The following DCAF8L2 variants were observed in gnomAD, a reference collection of about 807,000 sequenced individuals.
DCAF8L2 encodes DDB1- and CUL4-associated factor 8-like protein 2.
For missense variants in DCAF8L2, 430 were observed against 490.7 expected (o/e 0.88, Z 1.17); for synonymous variants, 200 against 190.9 (o/e 1.05, Z -0.39).
chrX:27,563,987 C>CT, the DCAF8L2 span, among the ~76,000 whole-genome samples: 1 of 112,180 alleles, frequency 8.9e-6, no homozygotes, highest in Non-Finnish European at 1.9e-5. Context: ...ACTGGCTGTA[C>CT]TTTCAATGCT....
the DCAF8L2 span, among the ~76,000 whole-genome samples, chrX:27,557,402 T>G: frequency 8.9e-6 from 1 of 112,202 alleles, no homozygotes; most frequent in East Asian, 2.8e-4. Flanking sequence ...GTCATTTTCA[T>G]ATTCTAGGAG....
chrX:27,539,047 C>T, the DCAF8L2 span, among the ~76,000 whole-genome samples: 5 of 111,280 alleles, frequency 4.5e-5, no homozygotes, highest in African/African-American at 1.6e-4. Flanking sequence ...TAAAGTCTTG[C>T]TTTGTTGCCC....
chrX:27,686,428 C>T (rs893931739), intron 3 of DCAF8L2, among the ~76,000 whole-genome samples: 24 of 110,510 alleles, frequency 2.2e-4, no homozygotes, highest in African/African-American at 7.3e-4. Flanking sequence ...CTTTCATTTG[C>T]AGCAACATGG....
At chrX:27,609,817 C>T (rs1485548688) in intron 1 of DCAF8L2, among the ~76,000 whole-genome samples, 1 of 111,824 alleles carries the variant, frequency 8.9e-6, no homozygotes. Flanking sequence ...AATTCTGGCA[C>T]CCCACAGCTA....
intron 1 of DCAF8L2, among the ~76,000 whole-genome samples, chrX:27,631,192 A>G (rs1928274763): frequency 1.8e-5 from 2 of 112,014 alleles, no homozygotes; most frequent in African/African-American, 3.2e-5. Context: ...AAATAATTTA[A>G]CATTATTTCA....
intron 1 of DCAF8L2, among the ~76,000 whole-genome samples, chrX:27,617,178 T>A (rs1927519599): frequency 9.0e-6 from 1 of 111,368 alleles, no homozygotes; most frequent in South Asian, 3.7e-4. Context: ...AGAAGCCCAT[T>A]TCCCTGACGA....
intron 1 of DCAF8L2, among the ~76,000 whole-genome samples, chrX:27,615,524 A>AATCAATCT (rs1555919234): frequency 1.9e-5 from 2 of 104,458 alleles, no homozygotes; most frequent in African/African-American, 7.1e-5. Flanking sequence ...AGATTCTATC[A>AATCAATCT]ATCTATCTAT....
At chrX:27,559,127 A>G in the DCAF8L2 span, among the ~76,000 whole-genome samples, 7 of 110,929 alleles carry the variant, frequency 6.3e-5, no homozygotes, top group South Asian at 2.7e-3. Context: ...TGCCTCCTGT[A>G]CAGCCCATAG....
chrX:27,655,700 T>C (rs1929325203), intron 2 of DCAF8L2, among the ~76,000 whole-genome samples: 1 of 111,783 alleles, frequency 8.9e-6, no homozygotes, highest in South Asian at 3.7e-4. Context: ...ATATTTTATC[T>C]GTATTTTAAG....
intron 2 of DCAF8L2, among the ~76,000 whole-genome samples, chrX:27,639,329 A>G (rs1052444614): frequency 1.8e-5 from 2 of 111,777 alleles, no homozygotes; most frequent in African/African-American, 6.5e-5. Flanking sequence ...GGGATTGTTA[A>G]TGGGTCCAAA....
intron 2 of DCAF8L2, among the ~76,000 whole-genome samples, chrX:27,658,213 T>C (rs1929424782): frequency 8.9e-6 from 1 of 112,386 alleles, no homozygotes; most frequent in Admixed American, 9.5e-5. Context: ...TCCTCATTGT[T>C]TAAAGTGTGC....
intron 1 of DCAF8L2, among the ~76,000 whole-genome samples, chrX:27,602,415 A>G (rs966695309): frequency 5.4e-5 from 6 of 112,004 alleles, no homozygotes; most frequent in African/African-American, 1.9e-4. Context: ...AAATTTTCTA[A>G]TCTTAAAATT....
At chrX:27,657,307 G>T (rs979801470) in intron 2 of DCAF8L2, among the ~76,000 whole-genome samples, 2 of 111,116 alleles carry the variant, frequency 1.8e-5, no homozygotes, top group Non-Finnish European at 3.8e-5. Flanking sequence ...CCACACTATG[G>T]CCTATGCTCC....
the DCAF8L2 span, among the ~76,000 whole-genome samples, chrX:27,516,967 T>C: frequency 9.0e-6 from 1 of 111,598 alleles, no homozygotes; most frequent in East Asian, 2.8e-4. Flanking sequence ...GCAGAGACTG[T>C]TTCATCAACA....
At chrX:27,485,924 C>CTTTTT in the DCAF8L2 span, among the ~76,000 whole-genome samples, 953 of 58,326 alleles carry the variant, frequency 0.016, 5 homozygotes, top group Middle Eastern at 0.03. Flanking sequence ...TTCTTTTTCT[C>CTTTTT]TTTTTTTTTT....
chrX:27,640,345 C>T (rs1006957311), intron 2 of DCAF8L2, among the ~76,000 whole-genome samples: 4 of 112,166 alleles, frequency 3.6e-5, no homozygotes, highest in Admixed American at 1.9e-4. Context: ...TAAATGAATC[C>T]ATACAGTGTG....
chrX:27,697,495 A>C (rs886509007), intron 3 of DCAF8L2, among the ~76,000 whole-genome samples: 1 of 111,568 alleles, frequency 9.0e-6, no homozygotes, highest in African/African-American at 3.3e-5. Context: ...TTTATATATT[A>C]AAATGTGCAG....
intron 3 of DCAF8L2, among the ~76,000 whole-genome samples, chrX:27,710,812 T>C (rs1248552449): frequency 1.8e-5 from 2 of 112,456 alleles, no homozygotes; most frequent in Non-Finnish European, 3.8e-5. Context: ...CATTGTCTTG[T>C]TTCTGACATT....
Position 27,749,664 on chromosome X carries a change from G to A in DCAF8L2, c.*873G>A, listed in dbSNP as rs1922465287. Among the ~76,000 whole-genome samples the A allele has an allele frequency of 8.9e-6, 1 of 112,012 alleles. No individual in the cohort carries two copies. Among genetic ancestry groups the A allele is most frequent in the African/African-American group, 3.2e-5 (1 of 30,821 alleles). ...CAGGAAGTCCTCCTGGGACAAGCAT[G>A]TCCTATAAATGCCAGCTTACTGATA... On this transcript the variant is annotated 3_prime_UTR_variant, in exon 5 of 5. Coordinates refer to ENST00000451261, the MANE Select transcript of DCAF8L2 (RefSeq NM_001353450.2).
Sources: allele counts gnomAD v4.1 joint callset (sites outside exome capture counted in the v4.1 genomes callset), GRCh38; gene constraint gnomAD v4.1.1; transcripts MANE v1.5; gene names NCBI Gene and HGNC (gene_info 2026-07-23, HGNC 2026-07-21).